Variants in MED13L observed in about 807,000 individuals in gnomAD.
The protein encoded by MED13L is mediator of RNA polymerase II transcription subunit 13-like.
Under a neutral mutation model 220.9 loss-of-function variants are expected in MED13L, and 7 were observed. That is an observed-to-expected ratio of 0.03 (90% confidence interval 0.02 to 0.06). The LOEUF is 0.06. Among genes scored for constraint, MED13L ranks in the 10% least tolerant of loss-of-function variants. MED13L has a pLI of 1.00. For synonymous variants in MED13L, 1,011 were observed against 1,015.2 expected (o/e 1.00, Z 0.08); for missense variants, 1,965 against 2,760.5 (o/e 0.71, Z 6.46).
chr12:116,233,413 C>T (rs369167356), intron 2 of MED13L, among the ~76,000 whole-genome samples: 1 of 152,120 alleles, frequency 6.6e-6, no homozygotes, highest in Non-Finnish European at 1.5e-5. Context: ...CTAATTATAT[C>T]GCTTTCCTGA....
chr12:116,119,126 T>C (rs556467165), intron 2 of MED13L, among the ~76,000 whole-genome samples: 47 of 152,262 alleles, frequency 3.1e-4, no homozygotes, highest in African/African-American at 1.1e-3. Context: ...GAGTCCTAAT[T>C]GGGATCAAAT....
intron 2 of MED13L, among the ~76,000 whole-genome samples, chr12:116,153,113 G>A (rs1287978286): frequency 3.3e-5 from 5 of 152,156 alleles, no homozygotes; most frequent in African/African-American, 1.2e-4. Context: ...AATTAAATTA[G>A]TGTGTAACAT....
intron 2 of MED13L, among the ~76,000 whole-genome samples, chr12:116,121,737 C>CAA (rs1875112069): frequency 6.6e-6 from 1 of 152,150 alleles, no homozygotes; most frequent in Non-Finnish European, 1.5e-5. Flanking sequence ...GTCTAGACAT[C>CAA]AAAAACACTT....
At chr12:116,274,018 A>C (rs1873607252) in intron 1 of MED13L, among the ~76,000 whole-genome samples, 1 of 152,320 alleles carries the variant, frequency 6.6e-6, no homozygotes, top group Non-Finnish European at 1.5e-5. Context: ...GGACAGCATA[A>C]GAAAATAGTT....
intron 25 of MED13L, 72 bp downstream of exon 25, chr12:115,975,099 T>C: frequency 7.0e-7 from 1 of 1,432,396 alleles, no homozygotes; most frequent in Non-Finnish European, 9.8e-7. Flanking sequence ...TTTTCTCCCT[T>C]AGCTCAGTTA....
intron 9 of MED13L, among the ~76,000 whole-genome samples, chr12:116,010,883 T>TC (rs1383598596): frequency 7.1e-6 from 1 of 140,570 alleles, no homozygotes; most frequent in Non-Finnish European, 1.6e-5. Flanking sequence ...AGGATTTTTC[T>TC]TTTTTTTTTT....
chr12:116,036,765 A>T (rs1462906535), intron 4 of MED13L, among the ~76,000 whole-genome samples: 2 of 152,156 alleles, frequency 1.3e-5, no homozygotes, highest in Non-Finnish European at 2.9e-5. Context: ...TACTCTCCTT[A>T]AAAATGTAGT....
chr12:116,136,970 C>T (rs191178966), intron 2 of MED13L, among the ~76,000 whole-genome samples: 1 of 152,152 alleles, frequency 6.6e-6, no homozygotes, highest in Non-Finnish European at 1.5e-5. Flanking sequence ...TGAGGTAAAT[C>T]ATCAGTAAAA....
intron 2 of MED13L, among the ~76,000 whole-genome samples, chr12:116,120,148 C>T (rs1217661489): frequency 3.3e-5 from 5 of 151,900 alleles, no homozygotes; most frequent in African/African-American, 9.7e-5. Context: ...CTCACATCTA[C>T]TTAAAGAGGA....
Position 115,991,492 on chromosome 12 carries a change from A to G in MED13L, c.3462T>C (p.Asn1154=). Residue 1154 remains asparagine (N), a synonymous_variant, in exon 17 of 31, where the codon AAT becomes AAC. Coordinates refer to ENST00000281928, the MANE Select transcript of MED13L (RefSeq NM_015335.5). The surrounding 1 kb of genome is among the most constrained non-coding windows in gnomAD (Gnocchi z 7.7). ...DVGLYIPDSS[N]EDQYRCTCGF... ...CACAGGTACAGCGGTACTGGTCCTC[A>G]TTGGAAGAATCGGGGATGTAAAGCC... 2.5e-6 allele frequency: 4 copies of G among 1,614,170 alleles called. No individual in the cohort carries two copies. Among genetic ancestry groups the G allele is most frequent in the East Asian group, 4.5e-5 (2 of 44,870 alleles).
chr12:116,024,705 T>C (rs1880262310), intron 4 of MED13L, among the ~76,000 whole-genome samples: 1 of 145,344 alleles, frequency 6.9e-6, no homozygotes, highest in Non-Finnish European at 1.5e-5. Flanking sequence ...CTTGCCCAGA[T>C]CAATGAATGT....
rs753073713 is a variant in MED13L at position 116,162,904 on chromosome 12, T to TA, written c.311-51393dup. On this transcript the variant is annotated intron_variant, in intron 2 of 30. Coordinates refer to ENST00000281928, the MANE Select transcript of MED13L (RefSeq NM_015335.5). ...AAATCAAGACTTTTAAAAATAAAGA[T>TA]AAAAAATAAATAAAGAGACAAGGTC... Among the ~76,000 whole-genome samples the TA allele has an allele frequency of 4.2e-4, 64 of 152,096 alleles. 1 individual carries two copies. Among genetic ancestry groups the TA allele is most frequent in the Non-Finnish European group, 1.0e-4 (7 of 68,002 alleles).
intron 1 of MED13L, among the ~76,000 whole-genome samples, chr12:116,238,072 T>G (rs1164540613): frequency 6.6e-6 from 1 of 152,246 alleles, no homozygotes; most frequent in Admixed American, 6.5e-5. Context: ...TCAAGTAAGA[T>G]TTTAAAAATA....
At chr12:116,170,009 C>A (rs973324449) in intron 2 of MED13L, among the ~76,000 whole-genome samples, 3 of 152,040 alleles carry the variant, frequency 2.0e-5, no homozygotes, top group Non-Finnish European at 4.4e-5. Context: ...AGAGTGAGAC[C>A]CCGCCTCATA....
chr12:115,990,913 G>A (rs568731580), intron 17 of MED13L, 107 bp downstream of exon 17: 37 of 1,215,592 alleles, frequency 3.0e-5, no homozygotes, highest in Middle Eastern at 1.9e-4. Context: ...TTTTTCCCCC[G>A]AAAGACATGA....
intron 2 of MED13L, among the ~76,000 whole-genome samples, chr12:116,135,674 C>A (rs555125897): frequency 6.6e-6 from 1 of 152,170 alleles, no homozygotes; most frequent in East Asian, 1.9e-4. Context: ...TGTTCTAAGA[C>A]CTAATGCTAT....
At chr12:115,981,088 C>T (rs544193822) in intron 22 of MED13L, 150 bp from the exon 23 acceptor site, 1 of 663,204 alleles carries the variant, frequency 1.5e-6, no homozygotes, top group African/African-American at 1.8e-5. Context: ...ATCTGTGCCA[C>T]ACATAATATA....
In MED13L at chr12:116,147,978, G is replaced by C. The variant is rs545380821; in HGVS notation, c.311-36466C>G. On this transcript the variant is annotated intron_variant, in intron 2 of 30. Coordinates refer to ENST00000281928, the MANE Select transcript of MED13L (RefSeq NM_015335.5). ...AGGAGAATCACTTCTCCTGGCCCGG[G>C]AGGCAGGAGGTTGCAGTGAGCCAAA... 1.8e-3 allele frequency among the ~76,000 whole-genome samples: 261 copies of C among 145,206 alleles called. 3 individuals are homozygous for C. Among genetic ancestry groups the C allele is most frequent in the Non-Finnish European group, 5.7e-4 (38 of 66,816 alleles).
chr12:116,108,425 G>C (rs1401394123), intron 3 of MED13L, among the ~76,000 whole-genome samples: 3 of 150,064 alleles, frequency 2.0e-5, no homozygotes, highest in East Asian at 3.9e-4. Context: ...GGGGTGAGCT[G>C]TGCGTAATTT....
Sources: gnomAD v4.1 joint callset for allele counts (sites outside exome capture counted in the v4.1 genomes callset) on GRCh38, gnomAD v4.1.1 for gene constraint, Gnocchi (gnomAD v3.1) non-coding constraint, MANE v1.5 for transcripts, NCBI Gene and HGNC (gene_info 2026-07-23, HGNC 2026-07-21) for gene names.